The following OCRL variants were observed in gnomAD, a reference collection of about 807,000 sequenced individuals.
OCRL encodes the protein OCRL inositol polyphosphate-5-phosphatase.
OCRL carries 8 observed loss-of-function variants against 78.9 expected under a neutral mutation model. The ratio of observed to expected loss-of-function variants is 0.10; its 90% confidence interval spans 0.06 to 0.18. The LOEUF is 0.18. Among genes scored for constraint, OCRL ranks in the 10% least tolerant of loss-of-function variants. OCRL has a pLI of 1.00. For missense variants in OCRL, 454 were observed against 696.7 expected (o/e 0.65, Z 3.92); for synonymous variants, 240 against 235.4 (o/e 1.02, Z -0.18).
chrX:129,572,021 G>A (rs764458631), intron 15 of OCRL, among the ~76,000 whole-genome samples: 71 of 111,917 alleles, frequency 6.3e-4, no homozygotes, highest in Non-Finnish European at 5.6e-4. Context: ...TCTAGCAGCA[G>A]GGGGCTATTG....
rs1205298651 is a variant in OCRL, at chrX:129,590,478, AC to A, written c.*210del. On this transcript the variant is annotated 3_prime_UTR_variant, in exon 24 of 24. Transcript: ENST00000371113. The stretch of plus-strand genomic sequence containing the variant: ...AGACTTATATTGCCAAGCCAAAGTT[AC>A]CATATTTTGGTGTTTTTGTGTTTTC... 19 of 462,860 alleles carry A rather than the reference AC, an allele frequency of 4.1e-5. No individual in the cohort carries two copies. Among genetic ancestry groups the A allele is most frequent in the African/African-American group, 3.4e-4 (14 of 40,847 alleles). 38.1% of individuals were successfully genotyped at this position (462,860 alleles called of 1,213,427 possible).
chrX:129,567,383 C>G lies in OCRL; in HGVS notation c.1466+20C>G, dbSNP rs1435845896. ...TTCCAGGTAAAGTAATAAGAACCTT[C>G]TCACAGAGAAGGTTAAGGCTTGATC... On this transcript the variant is annotated intron_variant, in intron 14 of 23. Coordinates refer to ENST00000371113, the MANE Select transcript of OCRL (RefSeq NM_000276.4). The G allele has an allele frequency of 1.9e-6, 2 of 1,052,905 alleles. No individual in the cohort carries two copies. Among genetic ancestry groups the G allele is most frequent in the Non-Finnish European group, 2.7e-6 (2 of 751,308 alleles). 86.8% of individuals were successfully genotyped at this position (1,052,905 alleles called of 1,213,427 possible).
At chrX:129,557,985 G>T (rs780852455) in intron 6 of OCRL, 35 bp downstream of exon 6, 2 of 896,011 alleles carry the variant, frequency 2.2e-6, no homozygotes. Context: ...TGTTGCTATG[G>T]TCATTGCAGA....
intron 19 of OCRL, among the ~76,000 whole-genome samples, chrX:129,584,879 C>CA (rs758419645): frequency 3.8e-4 from 43 of 112,239 alleles, no homozygotes; most frequent in Non-Finnish European, 7.3e-4. Context: ...CCTCTACCTT[C>CA]AGACAGGGTA....
At chrX:129,568,790 A>G (rs1883252) in intron 14 of OCRL, among the ~76,000 whole-genome samples, 24,067 of 111,791 alleles carry the variant, frequency 0.22, 4,521 homozygotes, top group East Asian at 0.75. Context: ...CCTCTCCAAA[A>G]ATTAAGCCCA....
intron 4 of OCRL, among the ~76,000 whole-genome samples, chrX:129,556,785 T>C (rs1936057449): frequency 8.9e-6 from 1 of 112,600 alleles, no homozygotes; most frequent in Non-Finnish European, 1.9e-5. Context: ...TAATGAGTTG[T>C]AGATGCTTCT....
rs754168993 is a variant in OCRL, at chrX:129,555,524, G to A, written c.239-1801G>A. Among the ~76,000 whole-genome samples the A allele has an allele frequency of 2.1e-4, 24 of 112,314 alleles. No individual in the cohort carries two copies. The South Asian group carries it at 8.4e-3, about 40-fold the overall frequency. On this transcript the variant is annotated intron_variant, in intron 4 of 23. Coordinates refer to ENST00000371113, the MANE Select transcript of OCRL (RefSeq NM_000276.4). ...AGTGCCTCTGGTAATTTTAATGCAT[G>A]CATAGTTGAGAACTACTGAGAGATG...
At chrX:129,546,256 A>G (rs1256123961) in intron 3 of OCRL, among the ~76,000 whole-genome samples, 2 of 112,086 alleles carry the variant, frequency 1.8e-5, no homozygotes, top group African/African-American at 6.5e-5. Flanking sequence ...TGTCTCTTCT[A>G]CATGCTATTG....
chrX:129,559,430 C>T (rs1387599595), intron 8 of OCRL, among the ~76,000 whole-genome samples: 2 of 111,920 alleles, frequency 1.8e-5, no homozygotes, highest in Non-Finnish European at 3.8e-5. Flanking sequence ...AATTCCTGAG[C>T]TCAGGCAATC....
chrX:129,580,480 G>C (rs1936425246), intron 18 of OCRL, among the ~76,000 whole-genome samples: 1 of 112,153 alleles, frequency 8.9e-6, no homozygotes, highest in Non-Finnish European at 1.9e-5. Context: ...CATCAGAAGG[G>C]TTTGCTGATT....
At chrX:129,584,201 T>C in intron 18 of OCRL, 143 bp from the exon 19 acceptor site, 3 of 502,363 alleles carry the variant, frequency 6.0e-6, no homozygotes, top group Non-Finnish European at 1.0e-5. Context: ...ACAATCATAA[T>C]TTATTTGAAG....
intron 4 of OCRL, among the ~76,000 whole-genome samples, chrX:129,555,005 A>G (rs1936021554): frequency 9.2e-6 from 1 of 108,623 alleles, no homozygotes; most frequent in African/African-American, 3.4e-5. Flanking sequence ...ATAAATAAAA[A>G]TAAGAGGGTT....
intron 15 of OCRL, among the ~76,000 whole-genome samples, chrX:129,571,607 C>T (rs531504456): frequency 3.3e-4 from 37 of 110,552 alleles, no homozygotes; most frequent in African/African-American, 1.2e-3. Context: ...GCTGAGATTA[C>T]AGGCATGAGC....
intron 15 of OCRL, 147 bp downstream of exon 15, chrX:129,569,546 C>T: frequency 3.4e-6 from 2 of 595,357 alleles, no homozygotes; most frequent in Non-Finnish European, 5.5e-6. Context: ...GGTTAGTGCC[C>T]CCAACCCTCC....
At chrX:129,558,126 T>G (rs1198524829) in intron 6 of OCRL, among the ~76,000 whole-genome samples, 176 bp downstream of exon 6, 1 of 111,797 alleles carries the variant, frequency 8.9e-6, no homozygotes, top group Non-Finnish European at 1.9e-5. Flanking sequence ...TCCTGTAGCA[T>G]GGTAGCTGTT....
intron 3 of OCRL, among the ~76,000 whole-genome samples, chrX:129,547,553 A>C (rs1935905081): frequency 9.1e-6 from 1 of 109,875 alleles, no homozygotes; most frequent in Non-Finnish European, 1.9e-5. Context: ...AGAAAAAGAA[A>C]ACCATCTGTA....
At chrX:129,589,647 A>G (rs922898847) in intron 22 of OCRL, 198 bp from the exon 23 acceptor site, 1 of 445,224 alleles carries the variant, frequency 2.2e-6, no homozygotes, top group South Asian at 3.2e-5. Flanking sequence ...GACAGGGACC[A>G]AACAGCACGG....
In OCRL at chrX:129,562,794, G is replaced by T. The variant is rs773703936; in HGVS notation, c.1244+8G>T. The T allele has an allele frequency of 5.8e-6, 7 of 1,203,731 alleles. No individual in the cohort carries two copies. In the African/African-American group the frequency reaches 1.1e-4, roughly 18 times the overall value. On this transcript the variant is annotated splice_region_variant and intron_variant, in intron 12 of 23. Coordinates refer to ENST00000371113, the MANE Select transcript of OCRL (RefSeq NM_000276.4). ...GAACATCATGAAACATGAGTAAGTG[G>T]TTAACTCACCTGTAGCCTTTGAGTA...
chrX:129,571,590 C>T (rs1024632877), intron 15 of OCRL, among the ~76,000 whole-genome samples: 1 of 109,848 alleles, frequency 9.1e-6, no homozygotes, highest in African/African-American at 3.3e-5. Flanking sequence ...CCTCAGCCTC[C>T]CAAAGTGCTG....
Sources: allele counts gnomAD v4.1 joint callset (sites outside exome capture counted in the v4.1 genomes callset), GRCh38; gene constraint gnomAD v4.1.1; transcripts MANE v1.5; gene names NCBI Gene and HGNC (gene_info 2026-07-23, HGNC 2026-07-21).